MIA2: variants seen among roughly 807,000 people sequenced by gnomAD.
MIA2 encodes the protein melanoma inhibitory activity protein 2.
MIA2 carries 127 observed loss-of-function variants against 167.8 expected under a neutral mutation model. The ratio of observed to expected loss-of-function variants is 0.76; its 90% CI spans 0.66 to 0.88. MIA2 has a LOEUF of 0.88. Ranked by LOEUF, MIA2 falls within the 40% of genes least tolerant of loss-of-function variation. The probability of loss-of-function intolerance (pLI) is 0.00; values close to 1 mark genes in which losing one functional copy is unlikely to be tolerated. For synonymous variants in MIA2, 552 were observed against 541.9 expected, an observed-to-expected ratio of 1.02 and a Z score of -0.26; for missense variants, 1,690 against 1,624.7, an observed-to-expected ratio of 1.04 and a Z score of -0.69.
Position 39,277,675 on chromosome 14 carries a change from TA to T in MIA2, c.2019+611del, listed in dbSNP as rs2058223161. Among the ~76,000 whole-genome samples, 5 of 10,754 alleles carry T rather than the reference TA, an allele frequency of 4.6e-4. 1 individual carries two copies. Among genetic ancestry groups the T allele is most frequent in the East Asian group, 5.4e-3 (1 of 186 alleles). The allele number at this position is 10,754 out of a possible 152,430, so 7.1% of individuals were successfully genotyped here. ...GAATCTTTTAATGTAAGATCTTTTA[TA>T]TATATATATATGTGTGTATATATAT... On this transcript the variant is annotated intron_variant, in intron 7 of 28. Coordinates refer to ENST00000640607, the MANE Select transcript of MIA2 (RefSeq NM_001329214.4).
chr14:39,385,734 T>A, intron 23 of MIA2: 1 of 909,404 alleles, frequency 1.1e-6, no homozygotes, highest in Non-Finnish European at 1.9e-6. Context: ...TACGTGTCTC[T>A]ACCGGATTCT....
chr14:39,310,678 T>G (rs2064092663), intron 18 of MIA2, among the ~76,000 whole-genome samples: 2 of 152,190 alleles, frequency 1.3e-5, no homozygotes, highest in Admixed American at 6.5e-5. Flanking sequence ...GAGAATCTAC[T>G]TTATCTATTT....
chr14:39,349,019 T>C, intron 28 of MIA2, 42 bp downstream of exon 28: 1 of 1,564,864 alleles, frequency 6.4e-7, no homozygotes, highest in South Asian at 1.1e-5. Flanking sequence ...CAATATGTGG[T>C]TTATTAATCG....
Position 39,236,402 on chromosome 14 carries a change from A to C in MIA2, c.116-520A>C, listed in dbSNP as rs371198360. ...TGCAGTGAGAAGAACCTCAGGGCAA[A>C]TTGGGCTCCACTAGGGCTATGTGAC... On this transcript the variant is annotated intron_variant, in intron 1 of 28. Transcript: ENST00000640607. 1.3e-4 allele frequency among the ~76,000 whole-genome samples: 20 copies of C among 152,276 alleles called. No individual in the cohort carries two copies. The South Asian group carries it at 3.9e-3, about 30-fold the overall frequency.
In MIA2 at chr14:39,293,357, C is replaced by T; in HGVS notation, c.2295C>T (p.Ser765=). The change falls in exon 11 of 29, where the codon TCC becomes TCT. Residue 765 remains serine (S), a synonymous_variant. Coordinates refer to ENST00000640607, the MANE Select transcript of MIA2 (RefSeq NM_001329214.4). ...CLEKELKEEK[S]KHSEQDELMA... ...AAAAAGAGTTAAAAGAAGAGAAATC[C>T]AAACATTCTGAACAAGATGAATTGG... 6.2e-7 allele frequency: 1 copy of T among 1,600,692 alleles called. No individual in the cohort carries two copies. Among genetic ancestry groups the T allele is most frequent in the Non-Finnish European group, 8.6e-7 (1 of 1,169,262 alleles).
intron 2 of MIA2, among the ~76,000 whole-genome samples, chr14:39,238,389 T>A (rs113265339): frequency 0.045 from 6,863 of 151,692 alleles, 531 homozygotes; most frequent in African/African-American, 0.16. Flanking sequence ...GCCAGGCTGG[T>A]CTGGAACTCT....
At chr14:39,375,098 CTGCTGCTTGTTAGTAAGGGAGAAGCATG>C (rs1167457046) in intron 23 of MIA2, among the ~76,000 whole-genome samples, 6 of 137,292 alleles carry the variant, frequency 4.4e-5, no homozygotes, top group African/African-American at 1.7e-4. Context: ...AATATTCTTC[CTGCTGCTTGTTAGTAAGGGAGAAGCATG>C]TGCTCCCAAT....
At chr14:39,347,635 C>T (rs2073592382) in intron 26 of MIA2, 78 bp from the exon 27 acceptor site, 1 of 1,475,954 alleles carries the variant, frequency 6.8e-7, no homozygotes, top group Non-Finnish European at 9.4e-7. Flanking sequence ...TGGGAAAATA[C>T]CAATTTTGTG....
At chr14:39,374,089 G>T (rs371667326) in intron 23 of MIA2, among the ~76,000 whole-genome samples, 31 of 152,312 alleles carry the variant, frequency 2.0e-4, no homozygotes, top group East Asian at 9.7e-4. Flanking sequence ...GAAATTATGG[G>T]GGAGGTTAAG....
At chr14:39,313,302 C>T (rs372891793) in intron 18 of MIA2, 38 bp from the exon 19 acceptor site, 769 of 1,037,898 alleles carry the variant, frequency 7.4e-4, no homozygotes, top group Non-Finnish European at 9.0e-4. Context: ...TATCTTTTGA[C>T]ATGTATTAAG....
chr14:39,350,756 T>A (rs961978681), downstream of MIA2: 1 of 152,458 alleles, frequency 6.6e-6, no homozygotes, highest in Non-Finnish European at 1.5e-5. Flanking sequence ...CTCAAACTTA[T>A]GTGGGTCTTT....
chr14:39,234,110 T>G lies in MIA2; in HGVS notation c.-5T>G. 1 of 1,595,282 alleles carries G rather than the reference T, an allele frequency of 6.3e-7. No individual in the cohort carries two copies. Among genetic ancestry groups the G allele is most frequent in the Non-Finnish European group, 8.6e-7 (1 of 1,169,508 alleles). On this transcript the variant is annotated 5_prime_UTR_variant, in exon 1 of 29. Coordinates refer to ENST00000640607, the MANE Select transcript of MIA2 (RefSeq NM_001329214.4). ...CACTTGGGATTCCCGGTTGCTTGTT[T>G]TAGCATGGCAAAATTTGGCGTTCAC...
rs868313231 is a variant in MIA2 at position 39,289,071 on chromosome 14, G to T, written c.2131-1948G>T. Among the ~76,000 whole-genome samples, 4 of 150,104 alleles carry T rather than the reference G, an allele frequency of 2.7e-5. No individual in the cohort carries two copies. In the East Asian group the frequency reaches 8.3e-4, roughly 31 times the overall value. ...GGTAATAATTCTACTTTGAAAATTT[G>T]GTAAAATTCAGCCGTGAAGCCATCT... On this transcript the variant is annotated intron_variant, in intron 9 of 28. Transcript: ENST00000640607.
chr14:39,247,538 G>T lies in MIA2; in HGVS notation c.964G>T (p.Asp322Tyr), dbSNP rs748821478. The T allele has an allele frequency of 1.9e-6, 3 of 1,614,088 alleles. No homozygotes were observed. Among genetic ancestry groups the T allele is most frequent in the Non-Finnish European group, 2.5e-6 (3 of 1,180,016 alleles). ...GGFTSYLGFGDEDTGLELIAE... is the reference protein window; with the variant it reads ...GGFTSYLGFGYEDTGLELIAE... ...ATTTACAAGTTATTTAGGTTTTGGA[G>T]ATGAGGATACAGGGCTTGAATTAAT... The change falls in exon 4 of 29, where the codon GAT becomes TAT. Residue 322 changes from aspartate to tyrosine, a missense_variant. Transcript: ENST00000640607.
chr14:39,273,207 A>G (rs1256839645), intron 6 of MIA2, among the ~76,000 whole-genome samples: 1 of 146,176 alleles, frequency 6.8e-6, no homozygotes, highest in East Asian at 2.0e-4. Context: ...TAGAGCGGAC[A>G]TTATTGTTCC....
rs539912947 is a variant in MIA2 at position 39,257,070 on chromosome 14, G to C, written c.1887+3899G>C. 3.3e-5 allele frequency among the ~76,000 whole-genome samples: 5 copies of C among 152,282 alleles called. No homozygotes were observed. In the East Asian group the frequency reaches 7.7e-4, roughly 24 times the overall value. ...TGAGAAAAATATTCTGTTGATTTGG[G>C]TTAGAGAGTTCTGTAGATGTCTATT... On this transcript the variant is annotated intron_variant, in intron 6 of 28. Transcript: ENST00000640607.
chr14:39,241,763 A>C (rs2054050192), intron 3 of MIA2, among the ~76,000 whole-genome samples: 1 of 152,216 alleles, frequency 6.6e-6, no homozygotes, highest in Non-Finnish European at 1.5e-5. Flanking sequence ...AAAGCCCTTT[A>C]GTGGCTTTTC....
At chr14:39,298,445 A>AAAAAG (rs757305309) in intron 13 of MIA2, among the ~76,000 whole-genome samples, 4 of 101,312 alleles carry the variant, frequency 3.9e-5, no homozygotes, top group South Asian at 4.1e-4. Flanking sequence ...ATATATATAA[A>AAAAAG]GATTAGTTTT....
intron 23 of MIA2, among the ~76,000 whole-genome samples, chr14:39,373,757 G>T (rs894343723): frequency 6.6e-6 from 1 of 152,176 alleles, no homozygotes; most frequent in Non-Finnish European, 1.5e-5. Flanking sequence ...GGAGGCAGAG[G>T]TTGCAGTGAG....
Sources: gnomAD v4.1 joint callset for allele counts (sites outside exome capture counted in the v4.1 genomes callset) on GRCh38, gnomAD v4.1.1 for gene constraint, MANE v1.5 for transcripts, NCBI Gene and HGNC (gene_info 2026-07-23, HGNC 2026-07-21) for gene names.